Variants in CACNA1A observed in about 807,000 individuals in gnomAD.
The protein encoded by CACNA1A is calcium voltage-gated channel subunit alpha1 A, also known as voltage-dependent P/Q-type calcium channel subunit alpha-1A.
In CACNA1A, 57 loss-of-function variants were observed where a neutral mutation model predicts 262.4. The ratio of observed to expected loss-of-function variants is 0.22; its 90% CI spans 0.18 to 0.27. The LOEUF is 0.27. Ranked by LOEUF, CACNA1A falls within the 10% of genes least tolerant of loss-of-function variation. The pLI, the probability that CACNA1A is intolerant of heterozygous loss-of-function variation, is 1.00. For synonymous variants in CACNA1A, 1,431 were observed against 1,419.3 expected, an observed-to-expected ratio of 1.01 and a Z score of -0.18; for missense variants, 2,526 against 3,562.8, an observed-to-expected ratio of 0.71 and a Z score of 7.41.
At chr19:13,287,682 A>G (rs865996381) in intron 19 of CACNA1A, among the ~76,000 whole-genome samples, 7 of 150,884 alleles carry the variant, frequency 4.6e-5, no homozygotes, top group African/African-American at 1.7e-4. Context: ...TTTGTATTTC[A>G]GTAGAGATGG....
chr19:13,406,959 A>G (rs1238836059), intron 3 of CACNA1A, among the ~76,000 whole-genome samples: 4 of 151,856 alleles, frequency 2.6e-5, no homozygotes, highest in Admixed American at 2.0e-4. Flanking sequence ...ACACACACAC[A>G]TGCACACATG....
chr19:13,490,419 A>G (rs1423773426), intron 1 of CACNA1A, among the ~76,000 whole-genome samples: 1 of 152,088 alleles, frequency 6.6e-6, no homozygotes, highest in Non-Finnish European at 1.5e-5. Flanking sequence ...CTTGGCCAAC[A>G]TGGTGAAACT....
At chr19:13,410,540 CTTTTTTTT>C (rs113290275) in intron 3 of CACNA1A, among the ~76,000 whole-genome samples, 13,613 of 120,710 alleles carry the variant, frequency 0.11, 1,399 homozygotes, top group African/African-American at 0.33. Flanking sequence ...ATTCTTTTTT[CTTTTTTTT>C]TTTTTTTTTA....
At chr19:13,329,349 C>T (rs188121603) in intron 10 of CACNA1A, among the ~76,000 whole-genome samples, 470 of 152,274 alleles carry the variant, frequency 3.1e-3, no homozygotes, top group African/African-American at 8.9e-3. Flanking sequence ...GCTCCCCATC[C>T]TTCTAGAGCA....
rs16054 is a variant in CACNA1A, at chr19:13,207,858, C to CCTGCTGCTGCTGCTGCTGCTG, written c.6955_6975dup (p.Gln2319_Gln2325dup). ...GCCGCCCGGCCCGGCCTGGCCACCG[C>CCTGCTGCTGCTGCTGCTGCTG]CTGCTGCTGCTGCTGCTGCTGCTGC... On this transcript the variant is annotated inframe_insertion, in exon 47 of 47. Transcript: ENST00000360228. This position sits in a 1 kb window ranked among gnomAD's most constrained non-coding sequence, Gnocchi z 5.7. The CCTGCTGCTGCTGCTGCTGCTG allele has an allele frequency of 4.7e-5, 68 of 1,431,740 alleles. 1 individual carries two copies. In the East Asian group the frequency reaches 8.4e-4, roughly 18 times the overall value. The allele number at this position is 1,431,740 out of a possible 1,614,324, so 88.7% of individuals were successfully genotyped here.
intron 19 of CACNA1A, among the ~76,000 whole-genome samples, chr19:13,294,486 G>GTTTTTT (rs1568503058): frequency 1.1e-5 from 1 of 87,236 alleles, no homozygotes; most frequent in East Asian, 6.3e-4. Flanking sequence ...ACTGTACCTG[G>GTTTTTT]CTTTTTTTTT....
At chr19:13,390,395 A>G (rs2144647645) in intron 3 of CACNA1A, among the ~76,000 whole-genome samples, 1 of 152,300 alleles carries the variant, frequency 6.6e-6, no homozygotes, top group East Asian at 1.9e-4. Context: ...TACAGGTGTG[A>G]GCCACTGCAC....
rs2057735935 is a variant in CACNA1A, at chr19:13,299,120, C to A, written c.2513G>T (p.Ser838Ile). The A allele has an allele frequency of 2.5e-6, 4 of 1,612,976 alleles. No individual in the cohort carries two copies. Among genetic ancestry groups the A allele is most frequent in the Non-Finnish European group, 3.4e-6 (4 of 1,179,786 alleles). Residue 838 changes from serine to isoleucine, a missense_variant, in exon 19 of 47, where the codon AGC (serine) becomes ATC (isoleucine). Transcript: ENST00000360228. ...QENRNNNTNKSRAAEPTVDQR... is the reference protein window; with the variant it reads ...QENRNNNTNKIRAAEPTVDQR... Reference sequence around the variant, plus strand: ...GTCCACGGTGGGCTCGGCCGCCCGGCTCTTGTTGGTGTTGTTGTTGCGGTT... The same window carrying A: ...GTCCACGGTGGGCTCGGCCGCCCGGATCTTGTTGGTGTTGTTGTTGCGGTT...
intron 1 of CACNA1A, among the ~76,000 whole-genome samples, 170 bp downstream of exon 1, chr19:13,505,762 G>T (rs578129799): frequency 1.3e-5 from 2 of 151,620 alleles, no homozygotes; most frequent in South Asian, 2.1e-4. Context: ...CCAGCTCGGG[G>T]TGGAGAGATT....
At chr19:13,290,420 A>G (rs1406176593) in intron 19 of CACNA1A, among the ~76,000 whole-genome samples, 1 of 151,326 alleles carries the variant, frequency 6.6e-6, no homozygotes, top group African/African-American at 2.4e-5. Context: ...GTGTATAATA[A>G]TAATAATATA....
At chr19:13,500,629 C>T (rs767465562) in intron 1 of CACNA1A, among the ~76,000 whole-genome samples, 2 of 152,244 alleles carry the variant, frequency 1.3e-5, no homozygotes, top group Non-Finnish European at 2.9e-5. Flanking sequence ...AGTTTGAGAG[C>T]CTCTTATAAA....
intron 17 of CACNA1A, among the ~76,000 whole-genome samples, chr19:13,301,945 C>T (rs1255690921): frequency 1.5e-4 from 23 of 151,936 alleles, no homozygotes; most frequent in Non-Finnish European, 3.2e-4. Flanking sequence ...GGACCATCTG[C>T]CTCAGAAACA....
In CACNA1A at chr19:13,286,672, C is replaced by T. The variant is rs370541345; in HGVS notation, c.3384G>A (p.Pro1128=). The part of the protein sequence containing the change: ...NAASRRTPNN[P]GNPSNPGPPK... ...GGGGGCCGGGATTGGATGGGTTCCC[C>T]GGGTTGTTGGGCGTCCGGCGGCTGG... The change falls in exon 20 of 47, where the codon CCG becomes CCA. Residue 1128 remains proline, a synonymous_variant. Transcript: ENST00000360228. The T allele has an allele frequency of 2.9e-4, 455 of 1,562,274 alleles. No individual in the cohort carries two copies. Among genetic ancestry groups the T allele is most frequent in the Non-Finnish European group, 3.5e-4 (398 of 1,153,474 alleles).
At chr19:13,459,329 C>A (rs931505824) in intron 1 of CACNA1A, among the ~76,000 whole-genome samples, 1 of 152,088 alleles carries the variant, frequency 6.6e-6, no homozygotes, top group Non-Finnish European at 1.5e-5. Flanking sequence ...GGTGGGAAAA[C>A]GGAGTCTGAA....
chr19:13,306,784 A>C (rs2057912648), intron 15 of CACNA1A, among the ~76,000 whole-genome samples: 1 of 152,048 alleles, frequency 6.6e-6, no homozygotes. Flanking sequence ...CCCAGAGCCC[A>C]CTGAAATGAT....
intron 6 of CACNA1A, among the ~76,000 whole-genome samples, chr19:13,349,231 G>A (rs996489299): frequency 5.9e-5 from 9 of 152,084 alleles, no homozygotes; most frequent in African/African-American, 9.7e-5. Context: ...GCTGTTTTAC[G>A]GATCAAGACA....
Position 13,206,609 on chromosome 19 carries a change from A to T in CACNA1A, c.*704T>A. 1 of 154,370 alleles carries T rather than the reference A, an allele frequency of 6.5e-6. No individual in the cohort carries two copies. Among genetic ancestry groups the T allele is most frequent in the Middle Eastern group, 5.4e-4 (1 of 1,852 alleles). 9.6% of individuals were successfully genotyped at this position (154,370 alleles called of 1,614,324 possible). A position where few individuals can be genotyped will look rare whatever the true frequency, so the allele number is the denominator to read the frequency against. ...TTCTTTTGTTGTTTCAAGCAGGACCAAATGTCAGAAAAAAATGCCTCTTTT... is the reference window on the plus strand; with the variant it reads ...TTCTTTTGTTGTTTCAAGCAGGACCTAATGTCAGAAAAAAATGCCTCTTTT... On this transcript the variant is annotated 3_prime_UTR_variant, in exon 47 of 47. Transcript: ENST00000360228.
chr19:13,459,045 C>G (rs2061067604), intron 1 of CACNA1A, among the ~76,000 whole-genome samples: 1 of 152,160 alleles, frequency 6.6e-6, no homozygotes, highest in African/African-American at 2.4e-5. Context: ...ATGCCAGTAG[C>G]AGCCCCTCCT....
At chr19:13,485,333 TTAAA>T (rs1168213998) in intron 1 of CACNA1A, among the ~76,000 whole-genome samples, 1 of 152,178 alleles carries the variant, frequency 6.6e-6, no homozygotes, top group African/African-American at 2.4e-5. Context: ...AATGATTTTC[TTAAA>T]TAAGATACAA....
Sources: gnomAD v4.1 joint callset for allele counts (sites outside exome capture counted in the v4.1 genomes callset) on GRCh38, gnomAD v4.1.1 for gene constraint, Gnocchi (gnomAD v3.1) non-coding constraint, MANE v1.5 for transcripts, NCBI Gene and HGNC (gene_info 2026-07-23, HGNC 2026-07-21) for gene names.